The following R3HDM2 variants were observed in gnomAD, a reference collection of about 807,000 sequenced individuals.
R3HDM2 encodes the protein R3H domain containing 2.
In R3HDM2, 38 loss-of-function variants were observed where a neutral mutation model predicts 124.5. The ratio of observed to expected loss-of-function variants is 0.31; its 90% CI spans 0.24 to 0.40. The LOEUF (loss-of-function observed/expected upper bound fraction) is 0.40. R3HDM2 is among the 10% of genes least tolerant of loss of function. The probability of loss-of-function intolerance (pLI) is 1.00; values close to 1 mark genes in which losing one functional copy is unlikely to be tolerated. For synonymous variants in R3HDM2, 391 were observed against 448.0 expected, an observed-to-expected ratio of 0.87 and a Z score of 1.61; for missense variants, 869 against 1,236.9, an observed-to-expected ratio of 0.70 and a Z score of 4.46.
At chr12:57,298,313 G>T in intron 6 of R3HDM2, 145 bp from the exon 7 acceptor site, 1 of 666,268 alleles carries the variant, frequency 1.5e-6, no homozygotes, top group Non-Finnish European at 2.5e-6. Context: ...ATAAAATCCA[G>T]AATGACCTTG....
intron 1 of R3HDM2, among the ~76,000 whole-genome samples, chr12:57,427,766 A>G (rs1224687217): frequency 1.3e-5 from 2 of 151,632 alleles, no homozygotes; most frequent in East Asian, 3.9e-4. Context: ...TGTATGCAGG[A>G]GGGGCTTTGC....
chr12:57,256,517 G>C lies in R3HDM2; in HGVS notation c.2450-6C>G. 1 of 1,556,602 alleles carries C rather than the reference G, an allele frequency of 6.4e-7. No homozygotes were observed. Among genetic ancestry groups the C allele is most frequent in the South Asian group, 1.2e-5 (1 of 83,832 alleles). Reference sequence around the variant, plus strand: ...AAGGGAGTAGCGCCCATCACCTAGGGAGTAAGAGCAATTGGTTTTCTGGGA... The same window carrying C: ...AAGGGAGTAGCGCCCATCACCTAGGCAGTAAGAGCAATTGGTTTTCTGGGA... On this transcript the variant is annotated splice_polypyrimidine_tract_variant and splice_region_variant and intron_variant, in intron 21 of 23. Coordinates refer to ENST00000402412, the MANE Select transcript of R3HDM2 (RefSeq NM_001394031.1).
chr12:57,347,963 G>C (rs1440310733), intron 2 of R3HDM2, among the ~76,000 whole-genome samples: 1 of 152,072 alleles, frequency 6.6e-6, no homozygotes, highest in Admixed American at 6.6e-5. Context: ...CTAGGTGACA[G>C]AGCAAGACCC....
chr12:57,423,336 C>T (rs1366079999), intron 1 of R3HDM2, among the ~76,000 whole-genome samples: 1 of 151,648 alleles, frequency 6.6e-6, no homozygotes, highest in Non-Finnish European at 1.5e-5. Context: ...AAGTGGGAGA[C>T]TTGCTTGAAC....
chr12:57,264,454 C>T lies in R3HDM2; in HGVS notation c.2131+2277G>A, dbSNP rs554468604. ...AGGCATGGTGGCAGGCGCCTGTAGT[C>T]CCAGCTACTCAGGAGGCTGAGGGAG... On this transcript the variant is annotated intron_variant, in intron 19 of 23. Transcript: ENST00000402412. Among the ~76,000 whole-genome samples the T allele has an allele frequency of 2.2e-3, 335 of 150,344 alleles. 1 individual carries two copies. The highest frequency in any genetic ancestry group is 7.8e-3 in the African/African-American group (317 of 40,874).
chr12:57,422,747 A>G (rs2070335535), intron 1 of R3HDM2, among the ~76,000 whole-genome samples: 1 of 152,122 alleles, frequency 6.6e-6, no homozygotes, highest in African/African-American at 2.4e-5. Flanking sequence ...AGGCCAAGGC[A>G]GGACAGGACG....
chr12:57,324,980 G>A (rs2057088001), intron 2 of R3HDM2, among the ~76,000 whole-genome samples: 1 of 152,200 alleles, frequency 6.6e-6, no homozygotes, highest in Non-Finnish European at 1.5e-5. Flanking sequence ...CCAGAGGCAT[G>A]GTGCCCACAA....
intron 2 of R3HDM2, among the ~76,000 whole-genome samples, chr12:57,387,430 G>A (rs1048626795): frequency 6.6e-6 from 1 of 152,132 alleles, no homozygotes; most frequent in Admixed American, 6.5e-5. Flanking sequence ...GACACTCACC[G>A]CAAGGGTCCG....
chr12:57,417,917 G>C (rs2069807733), intron 1 of R3HDM2, among the ~76,000 whole-genome samples: 2 of 152,222 alleles, frequency 1.3e-5, no homozygotes, highest in South Asian at 4.1e-4. Context: ...TAAAATTCTG[G>C]TATTTCCTGG....
At chr12:57,282,667 C>CAA (rs920097751) in intron 13 of R3HDM2, among the ~76,000 whole-genome samples, 2 of 144,648 alleles carry the variant, frequency 1.4e-5, no homozygotes, top group Non-Finnish European at 3.0e-5. Flanking sequence ...CTTGAAAAAG[C>CAA]AAAAAAAAAA....
At position 57,296,369 on chromosome 12, in the gene R3HDM2, T is replaced by C. The variant is rs2049887438; in HGVS notation, c.701+42A>G. On this transcript the variant is annotated intron_variant, in intron 9 of 23. Transcript: ENST00000402412. The surrounding 1 kb of genome is among the most constrained non-coding windows in gnomAD (Gnocchi z 4.5). ...ACCTTCCTCTTCCAACCCAGCAGGT[T>C]ATCCCAGGGAAGTCTTCCCAAACCA... 2.6e-6 allele frequency: 4 copies of C among 1,548,336 alleles called. No individual in the cohort carries two copies. The highest frequency in any genetic ancestry group is 3.5e-6 in the Non-Finnish European group (4 of 1,143,806).
intron 1 of R3HDM2, among the ~76,000 whole-genome samples, chr12:57,401,512 C>T (rs2068048915): frequency 6.6e-6 from 1 of 152,206 alleles, no homozygotes; most frequent in South Asian, 2.1e-4. Context: ...GGAATAGAGG[C>T]AAACTGTGAC....
At chr12:57,309,716 T>A (rs2053514245) in intron 3 of R3HDM2, among the ~76,000 whole-genome samples, 1 of 152,162 alleles carries the variant, frequency 6.6e-6, no homozygotes, top group Non-Finnish European at 1.5e-5. Context: ...TTTTTGGTAA[T>A]AAAAAAAGTC....
intron 1 of R3HDM2, among the ~76,000 whole-genome samples, chr12:57,406,890 C>T (rs2068569665): frequency 6.6e-6 from 1 of 152,144 alleles, no homozygotes; most frequent in Admixed American, 6.6e-5. Context: ...GGAAATTCTA[C>T]TGGACAGATG....
At chr12:57,355,937 C>T (rs2061242715) in intron 2 of R3HDM2, among the ~76,000 whole-genome samples, 1 of 152,162 alleles carries the variant, frequency 6.6e-6, no homozygotes, top group Admixed American at 6.5e-5. Context: ...ACTTTGTAAC[C>T]TGAATCCTTC....
At chr12:57,352,822 C>T (rs1367608783) in intron 2 of R3HDM2, among the ~76,000 whole-genome samples, 8 of 151,930 alleles carry the variant, frequency 5.3e-5, no homozygotes, top group Admixed American at 4.6e-4. Context: ...TAATTAAGAC[C>T]TGGGAATTGA....
chr12:57,337,477 A>C (rs756464690), intron 2 of R3HDM2, among the ~76,000 whole-genome samples: 3 of 152,152 alleles, frequency 2.0e-5, no homozygotes, highest in Admixed American at 6.6e-5. Flanking sequence ...TCTTAAGGCA[A>C]CAACTCAGAA....
chr12:57,338,670 T>G (rs534909091), intron 2 of R3HDM2, among the ~76,000 whole-genome samples: 1 of 152,234 alleles, frequency 6.6e-6, no homozygotes, highest in South Asian at 2.1e-4. Context: ...ATGCTGGGCT[T>G]ACAAGTGTGA....
chr12:57,371,189 A>G (rs1002928571), intron 2 of R3HDM2, among the ~76,000 whole-genome samples: 2 of 145,428 alleles, frequency 1.4e-5, no homozygotes, highest in Admixed American at 1.5e-4. Context: ...TCAGTGCCTA[A>G]ATGATTAACA....
Sources: gnomAD v4.1 joint callset for allele counts (sites outside exome capture counted in the v4.1 genomes callset) on GRCh38, gnomAD v4.1.1 for gene constraint, Gnocchi (gnomAD v3.1) non-coding constraint, MANE v1.5 for transcripts, NCBI Gene and HGNC (gene_info 2026-07-23, HGNC 2026-07-21) for gene names.